Variants in TMEM245 observed in about 807,000 individuals in gnomAD.
The protein encoded by TMEM245 is transmembrane protein 245, also known as protein CG-2.
TMEM245 carries 69 observed loss-of-function variants against 101.2 expected under a neutral mutation model. That is an observed-to-expected ratio of 0.68 (90% CI 0.56 to 0.83). The LOEUF (loss-of-function observed/expected upper bound fraction) is 0.83. Ranked by LOEUF, TMEM245 falls within the 40% of genes least tolerant of loss-of-function variation. The pLI, the probability that TMEM245 is intolerant of heterozygous loss-of-function variation, is 0.00. For missense variants in TMEM245, 1,075 were observed against 1,092.8 expected (o/e 0.98, Z 0.23); for synonymous variants, 537 against 449.8 (o/e 1.19, Z -2.45).
rs1051488187 is a variant in TMEM245 at position 109,050,605 on chromosome 9, T to C, written c.1942A>G (p.Ser648Gly). 1 of 1,613,768 alleles carries C rather than the reference T, an allele frequency of 6.2e-7. No individual in the cohort carries two copies. Among genetic ancestry groups the C allele is most frequent in the African/African-American group, 1.3e-5 (1 of 74,894 alleles). ...ACAAAATTGAGAAGGGCTGTCCCGC[T>C]GTAGAAGAGGATGGTCAAGAGTGTA... ...VTTLLTILFYSGTALLNFVLS... is the reference protein window; with the variant it reads ...VTTLLTILFYGGTALLNFVLS... The change falls in exon 13 of 18, where the codon AGC becomes GGC. Residue 648 changes from serine to glycine, a missense_variant. Around this residue, in one of 2 missense-constraint regions of TMEM245, gnomAD observed 267 missense variants for 351.3 expected, o/e 0.76. Transcript: ENST00000374586.
chr9:109,083,916 A>AAAAAAAACAAAC (rs1564197281), intron 7 of TMEM245, among the ~76,000 whole-genome samples: 1 of 132,502 alleles, frequency 7.5e-6, no homozygotes, highest in East Asian at 2.5e-4. Flanking sequence ...AAAAAAAAAA[A>AAAAAAAACAAAC]AAAAAAAAAA....
chr9:109,074,575 C>G (rs141467265), intron 8 of TMEM245, among the ~76,000 whole-genome samples: 2 of 152,032 alleles, frequency 1.3e-5, no homozygotes, highest in Non-Finnish European at 2.9e-5. Flanking sequence ...AGTCCCCCAC[C>G]CACACCCACC....
intron 7 of TMEM245, 111 bp downstream of exon 7, chr9:109,085,886 T>C: frequency 8.1e-7 from 1 of 1,228,006 alleles, no homozygotes; most frequent in African/African-American, 1.5e-5. Flanking sequence ...AATTAAAACT[T>C]TGAAAACAAA....
intron 17 of TMEM245, among the ~76,000 whole-genome samples, chr9:109,026,658 A>G (rs1827799767): frequency 6.6e-6 from 1 of 150,816 alleles, no homozygotes; most frequent in Admixed American, 6.6e-5. Context: ...GACCTGGCAT[A>G]CGTGATAGAG....
intron 3 of TMEM245, among the ~76,000 whole-genome samples, chr9:109,099,526 T>C (rs1830229034): frequency 6.6e-6 from 1 of 152,228 alleles, no homozygotes; most frequent in African/African-American, 2.4e-5. Flanking sequence ...TATCTGATGA[T>C]TGTTTCACTA....
intron 17 of TMEM245, among the ~76,000 whole-genome samples, chr9:109,022,989 T>C (rs1827677184): frequency 6.6e-6 from 1 of 152,228 alleles, no homozygotes; most frequent in Admixed American, 6.5e-5. Context: ...AAGGCTATGG[T>C]TAGCCTAGTC....
chr9:109,040,365 TA>T (rs1248364178), intron 14 of TMEM245, among the ~76,000 whole-genome samples: 1 of 152,208 alleles, frequency 6.6e-6, no homozygotes, highest in Non-Finnish European at 1.5e-5. Flanking sequence ...TTACAAATAA[TA>T]AAACTCACCA....
At chr9:109,075,746 G>C (rs1246623826) in intron 8 of TMEM245, among the ~76,000 whole-genome samples, 1 of 152,106 alleles carries the variant, frequency 6.6e-6, no homozygotes, top group African/African-American at 2.4e-5. Flanking sequence ...TTCTTCATCA[G>C]TCTGGCTAAA....
At position 109,087,174 on chromosome 9, in the gene TMEM245, T is replaced by C. The variant is rs1431937988; in HGVS notation, c.1319A>G (p.Lys440Arg). 6.2e-7 allele frequency: 1 copy of C among 1,605,136 alleles called. No individual in the cohort carries two copies. Among genetic ancestry groups the C allele is most frequent in the Admixed American group, 1.8e-5 (1 of 57,010 alleles). ...LGKFLLKVDS[K>R]LWHWLNKKMI... is the part of the protein sequence containing the mutation. ...GCCCAAGTCCTTAAAATACAATACC[T>C]TGCTATCAACTTTTAACAAGAATTT... Residue 440 changes from lysine (K) to arginine (R), a missense_variant and splice_region_variant, in exon 6 of 18, where the codon AAG becomes AGG. By Grantham distance (26) the Lys-to-Arg change is conservative. Transcript: ENST00000374586.
intron 16 of TMEM245, among the ~76,000 whole-genome samples, chr9:109,034,099 T>C (rs1449988364): frequency 6.6e-6 from 1 of 152,202 alleles, no homozygotes; most frequent in African/African-American, 2.4e-5. Flanking sequence ...CAGTATCACT[T>C]ATGTAAGCGG....
intron 14 of TMEM245, 68 bp downstream of exon 14, chr9:109,050,215 C>G: frequency 1.3e-6 from 2 of 1,578,766 alleles, no homozygotes; most frequent in Non-Finnish European, 8.6e-7. Context: ...ATGCTCATGA[C>G]AAAAAACAGG....
chr9:109,033,570 T>C (rs924032168), intron 16 of TMEM245, 69 bp from the exon 17 acceptor site: 4 of 1,453,342 alleles, frequency 2.8e-6, no homozygotes, highest in East Asian at 2.3e-5. Context: ...TCTAATACAA[T>C]GTGCATTCTT....
At chr9:109,066,490 G>T (rs1327480944) in intron 9 of TMEM245, among the ~76,000 whole-genome samples, 1 of 134,572 alleles carries the variant, frequency 7.4e-6, no homozygotes, top group Non-Finnish European at 1.6e-5. Context: ...TTCTCAGCAA[G>T]TAAGACAAAA....
rs184091769 is a variant in TMEM245 at position 109,015,748 on chromosome 9, C to T, written c.*4712G>A. On this transcript the variant is annotated 3_prime_UTR_variant, in exon 18 of 18. Transcript: ENST00000374586. Reference sequence around the variant, plus strand: ...AGCCTCCAGAGCCCCCCCATCTGTACAATAAGGATAATATTGTCTGTCTCA... The same window carrying T: ...AGCCTCCAGAGCCCCCCCATCTGTATAATAAGGATAATATTGTCTGTCTCA... The T allele has an allele frequency of 6.6e-6, 1 of 152,586 alleles. No homozygotes were observed. Among genetic ancestry groups the T allele is most frequent in the African/African-American group, 2.4e-5 (1 of 41,516 alleles). 9.5% of individuals were successfully genotyped at this position (152,586 alleles called of 1,614,324 possible). A position where few individuals can be genotyped will look rare whatever the true frequency, so the allele number is the denominator to read the frequency against.
chr9:109,091,244 A>G, intron 4 of TMEM245, 89 bp from the exon 5 acceptor site: 1 of 1,168,894 alleles, frequency 8.6e-7, no homozygotes, highest in Non-Finnish European at 1.2e-6. Flanking sequence ...AGCCTGTTTC[A>G]GGCCTTCAAA....
rs750708190 is a variant in TMEM245 at position 109,108,480 on chromosome 9, C to G, written c.670G>C (p.Val224Leu). The change falls in exon 2 of 18, where the codon GTC becomes CTC. Residue 224 changes from valine (V) to leucine (L), a missense_variant. Val to Leu is a conservative substitution (Grantham distance 32). This residue lies in a region of TMEM245 where 808 missense variants were observed against 741.5 expected (regional missense o/e 1.09). Coordinates refer to ENST00000374586, the MANE Select transcript of TMEM245 (RefSeq NM_032012.4). ...AAATGAAAAAGCAATATAATCCAGA[C>G]AGGAATTGAAACTGCTCTCAAGTAG... ...ERYLRAVSIP[V>L]WIILLFHLAS... 6.4e-7 allele frequency: 1 copy of G among 1,562,618 alleles called. No homozygotes were observed. The highest frequency in any genetic ancestry group is 8.7e-7 in the Non-Finnish European group (1 of 1,153,716).
At chr9:109,065,613 A>G (rs1203997642) in intron 9 of TMEM245, among the ~76,000 whole-genome samples, 1 of 152,184 alleles carries the variant, frequency 6.6e-6, no homozygotes, top group Non-Finnish European at 1.5e-5. Context: ...TCTTCTGTTG[A>G]CTAAGCAGGC....
At chr9:109,117,818 T>C (rs1241509756) in intron 1 of TMEM245, among the ~76,000 whole-genome samples, 1 of 152,270 alleles carries the variant, frequency 6.6e-6, no homozygotes, top group African/African-American at 2.4e-5. Context: ...TATAAATGTG[T>C]CTTTGACAAA....
At chr9:109,110,581 C>A (rs1274462253) in intron 1 of TMEM245, among the ~76,000 whole-genome samples, 1 of 148,034 alleles carries the variant, frequency 6.8e-6, no homozygotes, top group Non-Finnish European at 1.5e-5. Context: ...AAAAAAAAAT[C>A]CACAGTAAAT....
Sources: allele counts gnomAD v4.1 joint callset (sites outside exome capture counted in the v4.1 genomes callset), GRCh38; gene constraint gnomAD v4.1.1; regional missense constraint gnomAD v4.1.1; transcripts MANE v1.5; gene names NCBI Gene and HGNC (gene_info 2026-07-23, HGNC 2026-07-21).